ZCWPW2: variants seen among roughly 807,000 people sequenced by gnomAD.
ZCWPW2 encodes zinc finger CW-type PWWP domain protein 2.
ZCWPW2 carries 45 observed loss-of-function variants against 46.6 expected under a neutral mutation model. The observed-to-expected ratio is 0.96, with a 90% CI of 0.76 to 1.24. The LOEUF is 1.24. Ranked by LOEUF, ZCWPW2 falls within the 50% of genes most tolerant of loss-of-function variation. ZCWPW2 has a pLI of 0.00. For synonymous variants in ZCWPW2, 152 were observed against 137.1 expected (o/e 1.11, Z -0.76); for missense variants, 429 against 403.9 (o/e 1.06, Z -0.53).
intron 2 of ZCWPW2, among the ~76,000 whole-genome samples, chr3:28,400,255 G>GA (rs1388168019): frequency 6.6e-6 from 1 of 151,846 alleles, no homozygotes; most frequent in Non-Finnish European, 1.5e-5. Flanking sequence ...CAACAAAAAA[G>GA]AAAATATGAA....
chr3:28,417,078 A>T (rs1208226552), intron 3 of ZCWPW2, among the ~76,000 whole-genome samples: 2 of 150,498 alleles, frequency 1.3e-5, no homozygotes, highest in Admixed American at 6.6e-5. Flanking sequence ...TTTTTTTGAA[A>T]AGGTCAACAA....
intron 5 of ZCWPW2, among the ~76,000 whole-genome samples, chr3:28,487,694 T>C (rs1253402971): frequency 6.6e-6 from 1 of 152,134 alleles, no homozygotes; most frequent in Non-Finnish European, 1.5e-5. Flanking sequence ...GGGCATGATG[T>C]TCTGGGTAAA....
chr3:28,428,312 A>G (rs1235737747), intron 3 of ZCWPW2: 1 of 152,178 alleles, frequency 6.6e-6, no homozygotes, highest in Non-Finnish European at 1.5e-5. Context: ...AACAATGTGT[A>G]ATGCTCTAGA....
chr3:28,520,643 G>A (rs929465044), intron 8 of ZCWPW2, among the ~76,000 whole-genome samples: 1 of 152,118 alleles, frequency 6.6e-6, no homozygotes, highest in Non-Finnish European at 1.5e-5. Context: ...TGGCCCTTTA[G>A]AGAAAAATTT....
At chr3:28,503,889 G>A (rs1700211924) in intron 6 of ZCWPW2, among the ~76,000 whole-genome samples, 1 of 151,770 alleles carries the variant, frequency 6.6e-6, no homozygotes, top group African/African-American at 2.4e-5. Context: ...TTGTCTTTTT[G>A]TTTATGTAGT....
intron 1 of ZCWPW2, among the ~76,000 whole-genome samples, chr3:28,370,720 A>G (rs1489196585): frequency 1.3e-5 from 2 of 152,094 alleles, no homozygotes; most frequent in African/African-American, 4.8e-5. Context: ...GCTAATTTTC[A>G]TAAAGGTTTT....
At chr3:28,455,263 G>GT (rs1698382350) in intron 4 of ZCWPW2, among the ~76,000 whole-genome samples, 1 of 152,066 alleles carries the variant, frequency 6.6e-6, no homozygotes, top group Admixed American at 6.5e-5. Flanking sequence ...TCATATGCTT[G>GT]TTGGCGGCAT....
intron 1 of ZCWPW2, among the ~76,000 whole-genome samples, chr3:28,366,794 G>T (rs1290897237): frequency 2.6e-5 from 4 of 152,164 alleles, no homozygotes; most frequent in Non-Finnish European, 4.4e-5. Flanking sequence ...TGGTTGGTAA[G>T]CTATTAATTA....
At chr3:28,426,956 A>G (rs1328412112) in intron 3 of ZCWPW2, among the ~76,000 whole-genome samples, 3 of 152,204 alleles carry the variant, frequency 2.0e-5, no homozygotes, top group East Asian at 1.9e-4. Flanking sequence ...TATGTAAGAC[A>G]TGAGTTTCTT....
chr3:28,452,771 T>C (rs902763876), intron 4 of ZCWPW2, among the ~76,000 whole-genome samples: 2 of 152,194 alleles, frequency 1.3e-5, no homozygotes, highest in African/African-American at 4.8e-5. Flanking sequence ...TCAAATTATC[T>C]ATTTCCTTTC....
chr3:28,423,468 G>A (rs1196365709), intron 3 of ZCWPW2, among the ~76,000 whole-genome samples: 2 of 148,824 alleles, frequency 1.3e-5, no homozygotes, highest in Admixed American at 6.8e-5. Flanking sequence ...CCGGGTTCAC[G>A]CCATTCTCCT....
chr3:28,355,997 A>G (rs1354991082), intron 1 of ZCWPW2, among the ~76,000 whole-genome samples: 5 of 152,252 alleles, frequency 3.3e-5, no homozygotes, highest in African/African-American at 1.2e-4. Context: ...GAATTGACAA[A>G]TGGAATCTAA....
intron 1 of ZCWPW2, among the ~76,000 whole-genome samples, chr3:28,371,883 CTT>C (rs891851694): frequency 6.6e-6 from 1 of 151,952 alleles, no homozygotes; most frequent in Non-Finnish European, 1.5e-5. Context: ...AAGGGAGAGT[CTT>C]TGCCAGTTTC....
At chr3:28,435,749 G>C (rs952392761) in intron 4 of ZCWPW2, among the ~76,000 whole-genome samples, 3 of 152,128 alleles carry the variant, frequency 2.0e-5, no homozygotes, top group African/African-American at 7.2e-5. Context: ...GCCTCCGAAA[G>C]TGCTGGGATT....
chr3:28,518,164 ATGGACTTCGC>A, intron 8 of ZCWPW2, among the ~76,000 whole-genome samples: 2 of 148,340 alleles, frequency 1.3e-5, no homozygotes, highest in African/African-American at 2.5e-5. Context: ...AAATCTAGAT[ATGGACTTCGC>A]TACTACAGAT....
chr3:28,444,090 C>A (rs553134997), intron 4 of ZCWPW2, among the ~76,000 whole-genome samples: 1 of 152,272 alleles, frequency 6.6e-6, no homozygotes, highest in East Asian at 1.9e-4. Context: ...ACTTAGTGGT[C>A]CCAAATCAAC....
At chr3:28,505,506 G>A (rs764829777) in intron 6 of ZCWPW2, among the ~76,000 whole-genome samples, 4 of 152,106 alleles carry the variant, frequency 2.6e-5, no homozygotes, top group Non-Finnish European at 4.4e-5. Flanking sequence ...TCAAAGGAAA[G>A]TTGAAAGCAA....
intron 3 of ZCWPW2, among the ~76,000 whole-genome samples, chr3:28,429,806 T>C (rs1697174832): frequency 6.6e-6 from 1 of 152,182 alleles, no homozygotes; most frequent in African/African-American, 2.4e-5. Context: ...AGACTGTTGC[T>C]TCAAAGGGTA....
chr3:28,480,203 C>G (rs1476187834), intron 5 of ZCWPW2, among the ~76,000 whole-genome samples: 1 of 152,166 alleles, frequency 6.6e-6, no homozygotes, highest in Non-Finnish European at 1.5e-5. Flanking sequence ...ATAAGCATTC[C>G]TATTTCTCCT....
Sources: allele counts gnomAD v4.1 joint callset (sites outside exome capture counted in the v4.1 genomes callset), GRCh38; gene constraint gnomAD v4.1.1; transcripts MANE v1.5; gene names NCBI Gene and HGNC (gene_info 2026-07-23, HGNC 2026-07-21).